Variants in RANBP10 observed in about 807,000 individuals in gnomAD.
RANBP10 encodes the protein RAN binding protein 10, also known as ran-binding protein 10.
A neutral mutation model predicts 72.8 loss-of-function variants in RANBP10; 24 were observed. The observed-to-expected ratio is 0.33, with a 90% confidence interval of 0.24 to 0.46. RANBP10 has a LOEUF of 0.46. RANBP10 is among the 20% of genes least tolerant of loss of function. The probability of loss-of-function intolerance (pLI) is 1.00; values close to 1 mark genes in which losing one functional copy is unlikely to be tolerated. For synonymous variants in RANBP10, 310 were observed against 322.3 expected (o/e 0.96, Z 0.41); for missense variants, 679 against 817.5 (o/e 0.83, Z 2.07).
chr16:67,798,529 G>A (rs2055174386), intron 2 of RANBP10, among the ~76,000 whole-genome samples: 1 of 152,186 alleles, frequency 6.6e-6, no homozygotes, highest in African/African-American at 2.4e-5. Flanking sequence ...GCTCACCAGA[G>A]GAGATGCTTG....
At chr16:67,790,745 G>T (rs1047966579) in intron 2 of RANBP10, among the ~76,000 whole-genome samples, 1 of 151,758 alleles carries the variant, frequency 6.6e-6, no homozygotes, top group Non-Finnish European at 1.5e-5. Context: ...TGTTGCCTAG[G>T]CTGGAGTGCA....
In RANBP10 at chr16:67,806,424, C is replaced by T. The variant is rs2055444702; in HGVS notation, c.113G>A (p.Arg38His). ...GACCGCGGGATACAGGCGCTGCAAG[C>T]GCCGGCTCAGCTCCTGCTCCCCAGG... ...PSPGEQELSR[R>H]LQRLYPAVNQ... The change falls in exon 1 of 14, where the codon CGC becomes CAC. Residue 38 changes from arginine (R) to histidine (H), a missense_variant. By Grantham distance (29) the Arg-to-His change is conservative. Coordinates refer to ENST00000317506, the MANE Select transcript of RANBP10 (RefSeq NM_020850.3). 6.3e-7 allele frequency: 1 copy of T among 1,597,432 alleles called. No individual in the cohort carries two copies. The highest frequency in any genetic ancestry group is 8.5e-7 in the Non-Finnish European group (1 of 1,173,112).
intron 2 of RANBP10, among the ~76,000 whole-genome samples, chr16:67,776,121 A>C (rs1488364740): frequency 6.7e-6 from 1 of 149,288 alleles, no homozygotes; most frequent in African/African-American, 2.5e-5. Flanking sequence ...CTCCAGCCTG[A>C]GAGACAGAGC....
rs568200260 is a variant in RANBP10 at position 67,789,047 on chromosome 16, C to T, written c.347+16381G>A. ...CAGGCAGGCCGGGCACAGTGGCTCA[C>T]GCCTATAATCCCAGCACTTTGGGAG... On this transcript the variant is annotated intron_variant, in intron 2 of 13. Coordinates refer to ENST00000317506, the MANE Select transcript of RANBP10 (RefSeq NM_020850.3). 6.1e-4 allele frequency among the ~76,000 whole-genome samples: 92 copies of T among 149,856 alleles called. 5 individuals carry two copies. Among genetic ancestry groups the T allele is most frequent in the African/African-American group, 1.9e-3 (78 of 40,402 alleles).
intron 3 of RANBP10, among the ~76,000 whole-genome samples, chr16:67,770,411 G>T (rs2054587270): frequency 6.6e-6 from 1 of 151,884 alleles, no homozygotes; most frequent in African/African-American, 2.4e-5. Context: ...AAGCATCCTA[G>T]ATTGAAAGTA....
intron 2 of RANBP10, among the ~76,000 whole-genome samples, chr16:67,792,561 CAA>C (rs527254214): frequency 1.9e-4 from 22 of 116,470 alleles, no homozygotes; most frequent in South Asian, 2.8e-4. Context: ...GACTCCATCT[CAA>C]AAAAAAAAAA....
In RANBP10 at chr16:67,729,639, C is replaced by G; in HGVS notation, c.1147+41G>C. 6.3e-7 allele frequency: 1 copy of G among 1,580,606 alleles called. No homozygotes were observed. Among genetic ancestry groups the G allele is most frequent in the African/African-American group, 1.3e-5 (1 of 74,358 alleles). On this transcript the variant is annotated intron_variant, in intron 9 of 13. Coordinates refer to ENST00000317506, the MANE Select transcript of RANBP10 (RefSeq NM_020850.3). The surrounding 1 kb of genome is among the most constrained non-coding windows in gnomAD (Gnocchi z 7.1). Reference sequence around the variant, plus strand: ...GGGTATGTGGAGTGGCCTCTCTCCTCCACACCAGTTCTTCCCAGAGCCCTC... The same window carrying G: ...GGGTATGTGGAGTGGCCTCTCTCCTGCACACCAGTTCTTCCCAGAGCCCTC...
intron 1 of RANBP10, among the ~76,000 whole-genome samples, chr16:67,805,988 T>G (rs1222019381): frequency 1.3e-5 from 2 of 152,216 alleles, no homozygotes. Context: ...CCCTTTCTTC[T>G]AAGCAGTGGC....
At chr16:67,726,635 A>AGG in intron 13 of RANBP10, 77 bp from the exon 14 acceptor site, 1 of 1,460,148 alleles carries the variant, frequency 6.8e-7, no homozygotes, top group Non-Finnish European at 9.1e-7. Context: ...TGGGGGTGGA[A>AGG]GGAGGGGGCA....
At chr16:67,771,912 G>C in intron 3 of RANBP10, 122 bp downstream of exon 3, 1 of 1,125,790 alleles carries the variant, frequency 8.9e-7, no homozygotes, top group South Asian at 1.5e-5. Context: ...CCAACCAGTA[G>C]CATGGCTTGA....
At chr16:67,734,823 G>A (rs1276458306) in intron 6 of RANBP10, 35 bp downstream of exon 6, 2 of 1,515,564 alleles carry the variant, frequency 1.3e-6, no homozygotes, top group Non-Finnish European at 1.8e-6. Flanking sequence ...CTGGGGTGGG[G>A]TGGGAGTGGG....
chr16:67,748,931 A>G (rs2054143307), intron 3 of RANBP10, among the ~76,000 whole-genome samples: 1 of 152,120 alleles, frequency 6.6e-6, no homozygotes, highest in African/African-American at 2.4e-5. Flanking sequence ...TAAGCAGCAT[A>G]CCATAGGAAC....
intron 2 of RANBP10, among the ~76,000 whole-genome samples, chr16:67,775,357 G>A (rs1372587035): frequency 3.3e-5 from 5 of 152,130 alleles, no homozygotes; most frequent in African/African-American, 7.2e-5. Context: ...ATACTCAATG[G>A]TGGAAGACTG....
intron 2 of RANBP10, among the ~76,000 whole-genome samples, chr16:67,800,149 A>T (rs1172677566): frequency 6.6e-6 from 1 of 152,014 alleles, no homozygotes; most frequent in East Asian, 1.9e-4. Context: ...AACAACCAAA[A>T]AAAAAAAACA....
At chr16:67,756,286 C>T (rs2054284031) in intron 3 of RANBP10, among the ~76,000 whole-genome samples, 1 of 152,218 alleles carries the variant, frequency 6.6e-6, no homozygotes, top group African/African-American at 2.4e-5. Context: ...GAGAACACTC[C>T]TACTGCTGAA....
Position 67,806,296 on chromosome 16 carries a change from C to T in RANBP10, c.235+6G>A. 1.9e-6 allele frequency: 3 copies of T among 1,606,922 alleles called. No individual in the cohort carries two copies. Among genetic ancestry groups the T allele is most frequent in the Non-Finnish European group, 2.6e-6 (3 of 1,176,306 alleles). ...CTTAATTCCCCCCAGCCTGACGGGC[C>T]GATACCTTTGTAGTGGACGCGGAGG... On this transcript the variant is annotated splice_donor_region_variant and intron_variant, in intron 1 of 13. Transcript: ENST00000317506.
chr16:67,797,781 A>C (rs1286639846), intron 2 of RANBP10, among the ~76,000 whole-genome samples: 1 of 152,006 alleles, frequency 6.6e-6, no homozygotes, highest in African/African-American at 2.4e-5. Context: ...ACTGGACTCC[A>C]ACCTGGGTGA....
At chr16:67,769,443 C>CAAAAAAAAAA (rs768960411) in intron 3 of RANBP10, among the ~76,000 whole-genome samples, 584 of 30,286 alleles carry the variant, frequency 0.019, 196 homozygotes, top group Admixed American at 0.036. Flanking sequence ...GACCCTGTCT[C>CAAAAAAAAAA]AAAAAAAAAA....
In RANBP10 at chr16:67,729,915, A is replaced by C. The variant is rs111240142; in HGVS notation, c.998+23T>G. ...GCTGAGAGGGGCTGGACTCTGGGGGAGCTGGGGGTGCCCAAGACTTACTTG... is the reference window on the plus strand; with the variant it reads ...GCTGAGAGGGGCTGGACTCTGGGGGCGCTGGGGGTGCCCAAGACTTACTTG... On this transcript the variant is annotated intron_variant, in intron 8 of 13. Coordinates refer to ENST00000317506, the MANE Select transcript of RANBP10 (RefSeq NM_020850.3). This position sits in a 1 kb window ranked among gnomAD's most constrained non-coding sequence, Gnocchi z 7.1. 3.8e-3 allele frequency: 6,164 copies of C among 1,613,156 alleles called. 22 individuals carry two copies. Among genetic ancestry groups the C allele is most frequent in the Middle Eastern group, 0.012 (71 of 6,060 alleles).
Sources: gnomAD v4.1 joint callset for allele counts (sites outside exome capture counted in the v4.1 genomes callset) on GRCh38, gnomAD v4.1.1 for gene constraint, Gnocchi (gnomAD v3.1) non-coding constraint, MANE v1.5 for transcripts, NCBI Gene and HGNC (gene_info 2026-07-23, HGNC 2026-07-21) for gene names.